Variants in HLTF observed in about 807,000 individuals in gnomAD.
The protein encoded by HLTF is helicase like transcription factor.
In HLTF, 127 loss-of-function variants were observed where a neutral mutation model predicts 129.4. The ratio of observed to expected loss-of-function variants is 0.98; its 90% CI spans 0.85 to 1.14. HLTF has a LOEUF of 1.14. Among genes scored for constraint, HLTF ranks in the 50% most tolerant of loss-of-function variants. HLTF has a pLI of 0.00. For missense variants in HLTF, 1,139 were observed against 1,187.1 expected (o/e 0.96, Z 0.60); for synonymous variants, 332 against 388.8 (o/e 0.85, Z 1.72).
At chr3:149,078,621 G>A (rs1298975880) in intron 2 of HLTF, among the ~76,000 whole-genome samples, 1 of 152,080 alleles carries the variant, frequency 6.6e-6, no homozygotes, top group East Asian at 1.9e-4. Flanking sequence ...ACTTTGGGAG[G>A]CCGAGGTGGG....
At chr3:149,055,119 T>C (rs987831575) in intron 14 of HLTF, among the ~76,000 whole-genome samples, 184 bp downstream of exon 14, 2 of 152,192 alleles carry the variant, frequency 1.3e-5, no homozygotes, top group Admixed American at 1.3e-4. Flanking sequence ...CTACTACACA[T>C]CTTCAAAGAA....
chr3:149,069,802 T>C (rs1341557442), intron 7 of HLTF, among the ~76,000 whole-genome samples: 3 of 152,204 alleles, frequency 2.0e-5, no homozygotes, highest in Non-Finnish European at 2.9e-5. Context: ...ACTGAGCTTG[T>C]CAATGATAAA....
intron 23 of HLTF, among the ~76,000 whole-genome samples, chr3:149,036,494 G>A (rs1384264972): frequency 3.3e-5 from 5 of 151,780 alleles, no homozygotes; most frequent in African/African-American, 1.2e-4. Context: ...TCACCATGTT[G>A]GCCAAGATGG....
At chr3:149,061,827 ACT>A (rs1315193297) in intron 10 of HLTF, among the ~76,000 whole-genome samples, 2 of 149,966 alleles carry the variant, frequency 1.3e-5, no homozygotes, top group Admixed American at 6.7e-5. Flanking sequence ...CAGGAGCAAA[ACT>A]CTGTCTCAAA....
At position 149,048,108 on chromosome 3, in the gene HLTF, T is replaced by C. The variant is rs761383244; in HGVS notation, c.1812A>G (p.Lys604=). 5 of 1,612,920 alleles carry C rather than the reference T, an allele frequency of 3.1e-6. No homozygotes were observed. In the Middle Eastern group the frequency reaches 6.6e-4, roughly 213 times the overall value. ...ATTCTCTATCAATAAATGGTTTAAG[T>C]TTTAAAAAGGAAAGAAGAGACCACA... The part of the protein sequence containing the change: ...KDLWSLLSFL[K]LKPFIDREWW... The change falls in exon 17 of 25, where the codon AAA becomes AAG. Residue 604 remains lysine (K), a synonymous_variant. Transcript: ENST00000310053.
chr3:149,047,896 G>C (rs1324857643), intron 17 of HLTF, 132 bp downstream of exon 17: 2 of 579,860 alleles, frequency 3.4e-6, no homozygotes, highest in East Asian at 6.3e-5. Context: ...GAAAGACAAA[G>C]GTACTGAGCC....
Position 149,074,258 on chromosome 3 carries a change from A to T in HLTF, c.486T>A (p.Asp162Glu), listed in dbSNP as rs374794722. The T allele has an allele frequency of 6.2e-7, 1 of 1,613,656 alleles. No individual in the cohort carries two copies. Residue 162 changes from aspartate to glutamate, a missense_variant, in exon 4 of 25, where the codon GAT (aspartate) becomes GAA (glutamate). Physicochemically the swap from Asp to Glu is conservative, Grantham distance 45 (BLOSUM62 2). Coordinates refer to ENST00000310053, the MANE Select transcript of HLTF (RefSeq NM_003071.4). ...ATTTAAATCCATGTTTCTTCAACTG[A>T]TCTGAAACCGCTTTTCTATTTTCTT... The part of the protein sequence containing the change: ...GKEENRKAVS[D>E]QLKKHGFKLG...
chr3:149,045,091 T>TTCC (rs1716431458), intron 18 of HLTF, among the ~76,000 whole-genome samples: 2 of 152,144 alleles, frequency 1.3e-5, no homozygotes, highest in Admixed American at 6.6e-5. Context: ...CATACCCCCA[T>TTCC]TCCAATAAAT....
intron 2 of HLTF, among the ~76,000 whole-genome samples, chr3:149,080,921 C>T (rs1031566257): frequency 1.3e-5 from 2 of 152,110 alleles, no homozygotes; most frequent in African/African-American, 4.8e-5. Flanking sequence ...CAATGACAGA[C>T]CACATGCATT....
chr3:149,035,059 G>T, intron 23 of HLTF, 61 bp from the exon 24 acceptor site: 1 of 1,225,234 alleles, frequency 8.2e-7, no homozygotes, highest in Non-Finnish European at 1.2e-6. Flanking sequence ...TTTTGCATTT[G>T]TCCTTTCATT....
chr3:149,053,451 A>C (rs1163016614), intron 14 of HLTF, among the ~76,000 whole-genome samples: 1 of 152,028 alleles, frequency 6.6e-6, no homozygotes, highest in Non-Finnish European at 1.5e-5. Flanking sequence ...GGTCCCCATC[A>C]CCTTCTGCCA....
At chr3:149,033,143 A>G (rs1447856384) in intron 24 of HLTF, among the ~76,000 whole-genome samples, 1 of 152,168 alleles carries the variant, frequency 6.6e-6, no homozygotes, top group East Asian at 1.9e-4. Context: ...GTGAAACAAT[A>G]AAAGTATTCT....
rs748366675 is a variant in HLTF at position 149,071,471 on chromosome 3, T to C, written c.703-28A>G. ...ATAAATAAAAAGTCATAAAGCGAAA[T>C]ACATTAAGCCATTCCTTTTTCACAT... On this transcript the variant is annotated intron_variant, in intron 6 of 24. Coordinates refer to ENST00000310053, the MANE Select transcript of HLTF (RefSeq NM_003071.4). 18 of 1,563,890 alleles carry C rather than the reference T, an allele frequency of 1.2e-5. No homozygotes were observed. The Middle Eastern group carries it at 5.0e-4, about 44-fold the overall frequency.
intron 23 of HLTF, among the ~76,000 whole-genome samples, chr3:149,036,121 C>T (rs970714598): frequency 2.7e-5 from 4 of 150,446 alleles, no homozygotes; most frequent in Non-Finnish European, 3.0e-5. Context: ...GGCGACAGAG[C>T]GAGACTACAT....
rs554212504 is a variant in HLTF, at chr3:149,085,010, G to A, written c.21-121C>T. ...AATCTTACATGGGAATCACGGTAAA[G>A]ATTAATAGTTACTCTCGTTAAAGCA... On this transcript the variant is annotated intron_variant, in intron 1 of 24. Coordinates refer to ENST00000310053, the MANE Select transcript of HLTF (RefSeq NM_003071.4). 24 of 700,550 alleles carry A rather than the reference G, an allele frequency of 3.4e-5. No homozygotes were observed. The South Asian group carries it at 4.2e-4, about 12-fold the overall frequency. The allele number at this position is 700,550 out of a possible 1,614,324, so 43.4% of individuals were successfully genotyped here. A position where few individuals can be genotyped will look rare whatever the true frequency, so the allele number is the denominator to read the frequency against.
At chr3:149,055,579 CAT>C (rs1717363763) in intron 13 of HLTF, among the ~76,000 whole-genome samples, 179 bp from the exon 14 acceptor site, 1 of 152,192 alleles carries the variant, frequency 6.6e-6, no homozygotes, top group Non-Finnish European at 1.5e-5. Flanking sequence ...TAAAAATCCA[CAT>C]AGTGATTATG....
intron 10 of HLTF, among the ~76,000 whole-genome samples, chr3:149,062,732 T>C (rs575577597): frequency 6.6e-6 from 1 of 152,310 alleles, no homozygotes; most frequent in South Asian, 2.1e-4. Context: ...CGATCAAGAA[T>C]GCTTTTGTCA....
intron 13 of HLTF, 124 bp downstream of exon 13, chr3:149,059,594 C>T: frequency 1.6e-6 from 1 of 631,340 alleles, no homozygotes; most frequent in Non-Finnish European, 2.8e-6. Context: ...GGGTTATATA[C>T]TTTAAAAAAT....
chr3:149,077,661 A>G (rs1251474540), intron 2 of HLTF, among the ~76,000 whole-genome samples: 1 of 151,460 alleles, frequency 6.6e-6, no homozygotes, highest in Non-Finnish European at 1.5e-5. Context: ...GAAGGCCGTA[A>G]GCAAGCACAG....
Sources: allele counts gnomAD v4.1 joint callset (sites outside exome capture counted in the v4.1 genomes callset), GRCh38; gene constraint gnomAD v4.1.1; transcripts MANE v1.5; gene names NCBI Gene and HGNC (gene_info 2026-07-23, HGNC 2026-07-21).